Variants in ADGRL2 observed in about 807,000 individuals in gnomAD.
ADGRL2 encodes calcium-independent alpha-latrotoxin receptor 2.
Under a neutral mutation model 157.4 loss-of-function variants are expected in ADGRL2, and 44 were observed. That is an observed-to-expected ratio of 0.28 (90% CI 0.22 to 0.36). ADGRL2 has a LOEUF of 0.36. ADGRL2 is among the 10% of genes least tolerant of loss of function. The probability of loss-of-function intolerance (pLI) is 1.00; values close to 1 mark genes in which losing one functional copy is unlikely to be tolerated. For synonymous variants in ADGRL2, 585 were observed against 624.7 expected (o/e 0.94, Z 0.95); for missense variants, 1,510 against 1,768.9 (o/e 0.85, Z 2.63).
intron 2 of ADGRL2, among the ~76,000 whole-genome samples, chr1:81,794,460 T>C (rs939913602): frequency 3.3e-5 from 5 of 152,208 alleles, no homozygotes; most frequent in African/African-American, 1.2e-4. Context: ...ATCCAGGTGA[T>C]GGTTTAGCAA....
At chr1:81,493,649 G>T (rs1219760285) in intron 2 of ADGRL2, among the ~76,000 whole-genome samples, 1 of 152,142 alleles carries the variant, frequency 6.6e-6, no homozygotes, top group Non-Finnish European at 1.5e-5. Flanking sequence ...TTCTATTTAA[G>T]TCTTGGCTTT....
intron 2 of ADGRL2, among the ~76,000 whole-genome samples, chr1:81,456,730 G>A (rs1013635247): frequency 2.7e-5 from 4 of 150,324 alleles, no homozygotes; most frequent in Middle Eastern, 3.4e-3. Flanking sequence ...TTTATTACAG[G>A]TGGTTTGACC....
intron 1 of ADGRL2, among the ~76,000 whole-genome samples, chr1:81,435,459 T>A (rs1174722373): frequency 6.6e-6 from 1 of 152,212 alleles, no homozygotes; most frequent in African/African-American, 2.4e-5. Flanking sequence ...TGTCGAGAGT[T>A]CAATGAATTC....
intron 2 of ADGRL2, among the ~76,000 whole-genome samples, chr1:81,455,691 T>A (rs186273486): frequency 8.5e-5 from 13 of 152,364 alleles, no homozygotes; most frequent in Admixed American, 6.5e-5. Flanking sequence ...AATTTGTATA[T>A]GTTCTGTTTC....
intron 1 of ADGRL2, among the ~76,000 whole-genome samples, chr1:81,351,729 T>C (rs1446496159): frequency 4.6e-5 from 7 of 152,234 alleles, no homozygotes; most frequent in African/African-American, 1.4e-4. Context: ...ATAATGTTTT[T>C]AGTGCTTACA....
intron 1 of ADGRL2, chr1:81,426,829 A>G (rs965899336): frequency 4.1e-5 from 22 of 535,402 alleles, no homozygotes; most frequent in Admixed American, 3.7e-4. Context: ...TCTACCAGTG[A>G]AGAAAAATTT....
chr1:81,420,606 T>C (rs984276745), intron 1 of ADGRL2, among the ~76,000 whole-genome samples: 4 of 152,170 alleles, frequency 2.6e-5, no homozygotes, highest in Admixed American at 6.5e-5. Flanking sequence ...AGTTGCAGAG[T>C]GATGTTAACA....
intron 2 of ADGRL2, among the ~76,000 whole-genome samples, chr1:81,525,822 C>G (rs761691103): frequency 2.0e-5 from 3 of 151,576 alleles, no homozygotes; most frequent in African/African-American, 4.9e-5. Context: ...CTTAAATGTT[C>G]TACCTTTTGC....
At chr1:81,689,471 C>T (rs1025822562) in intron 3 of ADGRL2, among the ~76,000 whole-genome samples, 2 of 152,208 alleles carry the variant, frequency 1.3e-5, no homozygotes, top group African/African-American at 4.8e-5. Flanking sequence ...AAGAACTCAA[C>T]TAAATGGTCT....
chr1:81,443,456 C>A (rs1190719853), intron 1 of ADGRL2, among the ~76,000 whole-genome samples: 2 of 151,494 alleles, frequency 1.3e-5, no homozygotes, highest in African/African-American at 2.4e-5. Flanking sequence ...AAAAAAAGTT[C>A]ACTGAGTGAT....
At chr1:81,721,968 A>G (rs2084340584) in intron 1 of ADGRL2, 2 of 597,842 alleles carry the variant, frequency 3.3e-6, no homozygotes, top group Non-Finnish European at 6.3e-6. Flanking sequence ...TGAACCAGAC[A>G]CTGATGCCCT....
At chr1:81,325,784 GTA>G (rs1660855588) in intron 1 of ADGRL2, among the ~76,000 whole-genome samples, 2 of 152,094 alleles carry the variant, frequency 1.3e-5, no homozygotes, top group South Asian at 4.1e-4. Context: ...ACCCACAGAC[GTA>G]TAGTCATTTG....
intron 6 of ADGRL2, among the ~76,000 whole-genome samples, chr1:81,949,067 A>C (rs1274865280): frequency 6.6e-6 from 1 of 151,896 alleles, no homozygotes; most frequent in South Asian, 2.1e-4. Context: ...ATGTGTAGAT[A>C]AAGTGTAAAA....
intron 2 of ADGRL2, among the ~76,000 whole-genome samples, chr1:81,459,823 T>TACAAACACATAC (rs2077887443): frequency 2.0e-5 from 3 of 147,276 alleles, no homozygotes; most frequent in South Asian, 4.5e-4. Flanking sequence ...TATATATATA[T>TACAAACACATAC]ATATATATAC....
chr1:81,854,869 G>A (rs1216164424), intron 2 of ADGRL2, among the ~76,000 whole-genome samples: 1 of 152,090 alleles, frequency 6.6e-6, no homozygotes, highest in Non-Finnish European at 1.5e-5. Context: ...CCGAAGGTGA[G>A]GGGTGACAAA....
At chr1:81,706,596 T>G (rs112951852) in intron 1 of ADGRL2, among the ~76,000 whole-genome samples, 24 of 152,256 alleles carry the variant, frequency 1.6e-4, no homozygotes, top group African/African-American at 5.1e-4. Flanking sequence ...TAGGTGAGAT[T>G]GTCAACGAAA....
At chr1:81,636,303 G>A (rs1306442817) in intron 3 of ADGRL2, among the ~76,000 whole-genome samples, 1 of 151,998 alleles carries the variant, frequency 6.6e-6, no homozygotes, top group Non-Finnish European at 1.5e-5. Context: ...GTATGTGTGT[G>A]TATGTATGTA....
intron 1 of ADGRL2, among the ~76,000 whole-genome samples, chr1:81,707,550 CT>C (rs2083777979): frequency 6.6e-6 from 1 of 152,192 alleles, no homozygotes; most frequent in Non-Finnish European, 1.5e-5. Context: ...AGTGGTCAGT[CT>C]CCCTACCTTA....
chr1:81,795,178 A>G (rs1383971139), intron 2 of ADGRL2, among the ~76,000 whole-genome samples: 2 of 152,128 alleles, frequency 1.3e-5, no homozygotes, highest in East Asian at 3.9e-4. Context: ...GAGGCGTTCA[A>G]GACCAGCCTG....
Sources: allele counts gnomAD v4.1 joint callset (sites outside exome capture counted in the v4.1 genomes callset), GRCh38; gene constraint gnomAD v4.1.1; transcripts MANE v1.5; gene names NCBI Gene and HGNC (gene_info 2026-07-23, HGNC 2026-07-21).